SRD5A2: variants seen among roughly 807,000 people sequenced by gnomAD.
The protein encoded by SRD5A2 is 3-oxo-5-alpha-steroid 4-dehydrogenase 2.
In SRD5A2, 30 loss-of-function variants were observed where a neutral mutation model predicts 27.4. The observed-to-expected ratio is 1.10, with a 90% confidence interval of 0.82 to 1.49. The LOEUF is 1.49. SRD5A2 is among the 40% of genes most tolerant of loss of function. The probability of loss-of-function intolerance (pLI) is 0.00; values close to 1 mark genes in which losing one functional copy is unlikely to be tolerated. For synonymous variants in SRD5A2, 141 were observed against 133.6 expected (o/e 1.06, Z -0.38); for missense variants, 348 against 323.4 (o/e 1.08, Z -0.58).
At chr2:31,555,045 C>T (rs1666467500) in intron 1 of SRD5A2, among the ~76,000 whole-genome samples, 1 of 150,944 alleles carries the variant, frequency 6.6e-6, no homozygotes, top group African/African-American at 2.4e-5. Context: ...CCCAAGGCCA[C>T]ACAGCTACAA....
At chr2:31,589,857 T>C in the SRD5A2 span, among the ~76,000 whole-genome samples, 1 of 152,040 alleles carries the variant, frequency 6.6e-6, no homozygotes, top group South Asian at 2.1e-4. Context: ...GTGGGAAGGA[T>C]TGTAGCCTGG....
upstream of SRD5A2, among the ~76,000 whole-genome samples, chr2:31,582,024 G>C (rs955405463): frequency 4.6e-5 from 7 of 150,952 alleles, no homozygotes; most frequent in East Asian, 1.9e-4. Flanking sequence ...TTCTTTCTTC[G>C]ACCCGGCTTT....
chr2:31,634,973 G>A, the SRD5A2 span, among the ~76,000 whole-genome samples: 1 of 152,110 alleles, frequency 6.6e-6, no homozygotes, highest in South Asian at 2.1e-4. Flanking sequence ...TGGATATTGT[G>A]AATAGTGCTT....
At chr2:31,630,166 A>G in the SRD5A2 span, among the ~76,000 whole-genome samples, 1 of 152,200 alleles carries the variant, frequency 6.6e-6, no homozygotes, top group South Asian at 2.1e-4. Context: ...CTGCAATACA[A>G]TCTCCAAGCC....
At chr2:31,613,443 C>T in the SRD5A2 span, among the ~76,000 whole-genome samples, 1 of 152,032 alleles carries the variant, frequency 6.6e-6, no homozygotes, top group East Asian at 1.9e-4. Context: ...CAGGGAAATG[C>T]AAATTAAAAC....
the SRD5A2 span, among the ~76,000 whole-genome samples, chr2:31,616,191 C>T: frequency 6.6e-6 from 1 of 152,082 alleles, no homozygotes; most frequent in South Asian, 2.1e-4. Context: ...CAGAAGTTTG[C>T]TACAGGGGTG....
chr2:31,537,757 A>G (rs767576184), intron 1 of SRD5A2, among the ~76,000 whole-genome samples: 4 of 152,120 alleles, frequency 2.6e-5, no homozygotes, highest in African/African-American at 7.2e-5. Flanking sequence ...TTAATCCCCA[A>G]TGCAACGGTG....
At chr2:31,585,920 G>A (rs986161142), upstream of SRD5A2, among the ~76,000 whole-genome samples, 1 of 152,204 alleles carries the variant, frequency 6.6e-6, no homozygotes, top group African/African-American at 2.4e-5. Context: ...TAATCCAGCA[G>A]TACTTCTTGT....
upstream of SRD5A2, among the ~76,000 whole-genome samples, chr2:31,585,905 T>A (rs559555): frequency 0.54 from 82,082 of 151,954 alleles, 22,344 homozygotes; most frequent in Non-Finnish European, 0.56. Flanking sequence ...AATGAATACC[T>A]GTGATAATCC....
In SRD5A2 at chr2:31,563,814, A is replaced by G. The variant is rs912436444; in HGVS notation, c.281+16806T>C. Among the ~76,000 whole-genome samples the G allele has an allele frequency of 3.9e-5, 6 of 152,266 alleles. 1 individual carries two copies. The highest frequency in any genetic ancestry group is 6.5e-5 in the Admixed American group (1 of 15,288). On this transcript the variant is annotated intron_variant, in intron 1 of 4. Coordinates refer to ENST00000622030, the MANE Select transcript of SRD5A2 (RefSeq NM_000348.4). ...CCATAAGCCAGATAGAAAAGCTCATATAAGACATTGGGTAGAATACTCAAA... is the reference window on the plus strand; with the variant it reads ...CCATAAGCCAGATAGAAAAGCTCATGTAAGACATTGGGTAGAATACTCAAA...
chr2:31,650,212 T>C, the SRD5A2 span, among the ~76,000 whole-genome samples: 1,469 of 152,284 alleles, frequency 9.6e-3, 18 homozygotes, highest in South Asian at 0.045. Context: ...TAGCACCTTT[T>C]GTATTTGTGC....
chr2:31,624,671 T>TA, the SRD5A2 span, among the ~76,000 whole-genome samples: 1 of 152,176 alleles, frequency 6.6e-6, no homozygotes, highest in African/African-American at 2.4e-5. Flanking sequence ...TCCATGTCCC[T>TA]ACAAAGGACA....
chr2:31,529,562 G>A (rs1665860083), intron 3 of SRD5A2, 105 bp from the exon 4 acceptor site: 3 of 1,447,150 alleles, frequency 2.1e-6, no homozygotes, highest in Non-Finnish European at 2.8e-6. Flanking sequence ...GAACAAATGT[G>A]GGGCTGGAGG....
chr2:31,598,110 A>C, the SRD5A2 span, among the ~76,000 whole-genome samples: 1 of 152,026 alleles, frequency 6.6e-6, no homozygotes, highest in African/African-American at 2.4e-5. Context: ...ATGGAATACT[A>C]CTCCTCAATA....
At chr2:31,616,937 G>A in the SRD5A2 span, among the ~76,000 whole-genome samples, 1 of 152,090 alleles carries the variant, frequency 6.6e-6, no homozygotes, top group African/African-American at 2.4e-5. Flanking sequence ...GAACCTGGTG[G>A]GAGATAATTG....
the SRD5A2 span, among the ~76,000 whole-genome samples, chr2:31,618,026 T>C: frequency 6.6e-6 from 1 of 152,168 alleles, no homozygotes; most frequent in East Asian, 1.9e-4. Context: ...TGAAACTGGG[T>C]ACTCTATAAA....
the SRD5A2 span, among the ~76,000 whole-genome samples, chr2:31,599,383 A>G: frequency 6.6e-6 from 1 of 152,082 alleles, no homozygotes; most frequent in East Asian, 1.9e-4. Context: ...CACATGGATT[A>G]TTCTCAAAAT....
chr2:31,601,531 A>G, the SRD5A2 span, among the ~76,000 whole-genome samples: 148 of 152,200 alleles, frequency 9.7e-4, no homozygotes, highest in African/African-American at 3.3e-3. Context: ...GTTCCAAAAA[A>G]TTGAAAAAGA....
the SRD5A2 span, among the ~76,000 whole-genome samples, chr2:31,660,592 T>C: frequency 6.6e-6 from 1 of 151,922 alleles, no homozygotes; most frequent in Admixed American, 6.6e-5. Flanking sequence ...TGGTGGGGGA[T>C]GTTGATAACG....
Sources: gnomAD v4.1 joint callset for allele counts (sites outside exome capture counted in the v4.1 genomes callset) on GRCh38, gnomAD v4.1.1 for gene constraint, MANE v1.5 for transcripts, NCBI Gene and HGNC (gene_info 2026-07-23, HGNC 2026-07-21) for gene names.